Variants in AKAP13 observed in about 807,000 individuals in gnomAD.
AKAP13 encodes the protein A-kinase anchoring protein 13.
A neutral mutation model predicts 264.5 loss-of-function variants in AKAP13; 80 were observed. The observed-to-expected ratio is 0.30, with a 90% CI of 0.25 to 0.36. The LOEUF (loss-of-function observed/expected upper bound fraction) is 0.36. Ranked by LOEUF, AKAP13 falls within the 10% of genes least tolerant of loss-of-function variation. The probability of loss-of-function intolerance (pLI) is 1.00; values close to 1 mark genes in which losing one functional copy is unlikely to be tolerated. For synonymous variants in AKAP13, 1,380 were observed against 1,250.2 expected (o/e 1.10, Z -2.19); for missense variants, 3,712 against 3,435.2 (o/e 1.08, Z -2.01).
At chr15:85,407,064 T>G (rs1481989821) in intron 1 of AKAP13, among the ~76,000 whole-genome samples, 1 of 151,668 alleles carries the variant, frequency 6.6e-6, no homozygotes, top group East Asian at 1.9e-4. Context: ...GAAGAAATAT[T>G]TAAGCAGAAG....
rs1567138041 is a variant in AKAP13 at position 85,581,190 on chromosome 15, C to T, written c.3122C>T (p.Ala1041Val). 6.2e-7 allele frequency: 1 copy of T among 1,614,150 alleles called. No individual in the cohort carries two copies. Among genetic ancestry groups the T allele is most frequent in the Non-Finnish European group, 8.5e-7 (1 of 1,180,020 alleles). Reference protein sequence around the residue: ...EALGAEHNSSALLPCLLPDGS... With the variant: ...EALGAEHNSSVLLPCLLPDGS... ...TTGGGGGCAGAGCACAACAGCTCCG[C>T]TCTGTTGCCATGTCTGTTGCCAGAT... The change falls in exon 7 of 37, where the codon GCT becomes GTT. Residue 1041 changes from alanine to valine, a missense_variant. Coordinates refer to ENST00000394518, the MANE Select transcript of AKAP13 (RefSeq NM_007200.5).
At chr15:85,611,726 A>G (rs1323817875) in intron 8 of AKAP13, among the ~76,000 whole-genome samples, 1 of 152,212 alleles carries the variant, frequency 6.6e-6, no homozygotes, top group Admixed American at 6.5e-5. Context: ...TGTAGCGACA[A>G]TACACTTGTG....
intron 1 of AKAP13, among the ~76,000 whole-genome samples, chr15:85,385,001 C>G (rs2070480824): frequency 6.6e-6 from 1 of 152,134 alleles, no homozygotes. Flanking sequence ...GATATGGGTG[C>G]TAGTATGGGA....
intron 2 of AKAP13, among the ~76,000 whole-genome samples, chr15:85,510,690 C>T (rs1330030736): frequency 6.6e-6 from 1 of 152,210 alleles, no homozygotes; most frequent in Middle Eastern, 3.4e-3. Context: ...ATTGTATCAT[C>T]CTGAAAGGCT....
At chr15:85,564,137 C>T (rs2078518867) in intron 5 of AKAP13, among the ~76,000 whole-genome samples, 1 of 152,166 alleles carries the variant, frequency 6.6e-6, no homozygotes, top group Non-Finnish European at 1.5e-5. Flanking sequence ...TCAAATAATA[C>T]TAGTTTCTTC....
intron 12 of AKAP13, among the ~76,000 whole-genome samples, chr15:85,660,560 T>G (rs2083298564): frequency 6.6e-6 from 1 of 152,114 alleles, no homozygotes; most frequent in African/African-American, 2.4e-5. Flanking sequence ...TTTGCCACAT[T>G]CTGTTTCTAA....
chr15:85,538,876 G>T (rs1171724434), intron 4 of AKAP13, among the ~76,000 whole-genome samples: 1 of 149,944 alleles, frequency 6.7e-6, no homozygotes, highest in African/African-American at 2.5e-5. Flanking sequence ...TGTCCCCCAG[G>T]CTAGAGTGCA....
At chr15:85,617,801 T>C (rs1382622288) in intron 8 of AKAP13, among the ~76,000 whole-genome samples, 1 of 152,220 alleles carries the variant, frequency 6.6e-6, no homozygotes, top group African/African-American at 2.4e-5. Context: ...GCCTAAAGGC[T>C]CTTTCTGTCT....
At chr15:85,487,568 T>G (rs1041767093) in intron 2 of AKAP13, among the ~76,000 whole-genome samples, 4 of 152,236 alleles carry the variant, frequency 2.6e-5, no homozygotes, top group Non-Finnish European at 1.5e-5. Flanking sequence ...AATTAAATAG[T>G]TTTTATTTAT....
chr15:85,595,688 T>C (rs1020711415), intron 8 of AKAP13, among the ~76,000 whole-genome samples: 2 of 152,190 alleles, frequency 1.3e-5, no homozygotes, highest in African/African-American at 2.4e-5. Context: ...CAGGGAGCCA[T>C]TGATATGCTT....
At chr15:85,716,472 A>C (rs749172944) in intron 20 of AKAP13, among the ~76,000 whole-genome samples, 1 of 152,152 alleles carries the variant, frequency 6.6e-6, no homozygotes, top group Non-Finnish European at 1.5e-5. Context: ...TTGGCTGTCA[A>C]GTGGTTAGCA....
At chr15:85,534,763 T>A (rs760341447) in intron 4 of AKAP13, 6 of 152,182 alleles carry the variant, frequency 3.9e-5, no homozygotes, top group Non-Finnish European at 8.8e-5. Context: ...CAAAAATATT[T>A]ACATAGTAAG....
intron 14 of AKAP13, among the ~76,000 whole-genome samples, chr15:85,670,496 A>G (rs938848063): frequency 6.7e-6 from 1 of 150,210 alleles, no homozygotes; most frequent in Non-Finnish European, 1.5e-5. Flanking sequence ...CAGGAAATTA[A>G]TATCGATAAA....
At position 85,580,687 on chromosome 15, in the gene AKAP13, G is replaced by A. The variant is rs1287486670; in HGVS notation, c.2619G>A (p.Glu873=). ...TCACAGGACTTGGTGGAGAGCATGA[G>A]GGTCCCGCCCCTCCAGCAATCCCAG... ...TSLTGLGGEH[E]GPAPPAIPEA... The change falls in exon 7 of 37, where the codon GAG becomes GAA. Residue 873 remains glutamate, a synonymous_variant. Coordinates refer to ENST00000394518, the MANE Select transcript of AKAP13 (RefSeq NM_007200.5). The A allele has an allele frequency of 2.5e-6, 4 of 1,614,050 alleles. No individual in the cohort carries two copies. The highest frequency in any genetic ancestry group is 2.2e-5 in the East Asian group (1 of 44,888).
chr15:85,614,262 G>A (rs924447097), intron 8 of AKAP13, among the ~76,000 whole-genome samples: 3 of 152,166 alleles, frequency 2.0e-5, no homozygotes, highest in Non-Finnish European at 2.9e-5. Flanking sequence ...GAAGCACGAC[G>A]GCCATCTTTA....
chr15:85,681,662 T>C (rs1166152888), intron 14 of AKAP13, among the ~76,000 whole-genome samples: 1 of 143,004 alleles, frequency 7.0e-6, no homozygotes, highest in Non-Finnish European at 1.6e-5. Flanking sequence ...AAGCCAGCTC[T>C]GATGCTCTTT....
chr15:85,709,082 C>T (rs1213204310), intron 18 of AKAP13, among the ~76,000 whole-genome samples: 1 of 152,102 alleles, frequency 6.6e-6, no homozygotes, highest in Non-Finnish European at 1.5e-5. Flanking sequence ...TTGTTTGGCT[C>T]ATGTAGTATT....
intron 33 of AKAP13, among the ~76,000 whole-genome samples, chr15:85,738,136 G>A (rs1436989871): frequency 6.6e-6 from 1 of 151,988 alleles, no homozygotes; most frequent in African/African-American, 2.4e-5. Context: ...GGTGGCTCAC[G>A]CCTGTAATCC....
At chr15:85,437,669 G>A (rs1253895829) in intron 1 of AKAP13, among the ~76,000 whole-genome samples, 6 of 152,232 alleles carry the variant, frequency 3.9e-5, no homozygotes, top group East Asian at 1.9e-4. Flanking sequence ...TTCAATATAC[G>A]CAAATCAATA....
Sources: gnomAD v4.1 joint callset for allele counts (sites outside exome capture counted in the v4.1 genomes callset) on GRCh38, gnomAD v4.1.1 for gene constraint, MANE v1.5 for transcripts, NCBI Gene and HGNC (gene_info 2026-07-23, HGNC 2026-07-21) for gene names.